COG4: variants seen among roughly 807,000 people sequenced by gnomAD.
The protein encoded by COG4 is component of oligomeric golgi complex 4, also known as conserved oligomeric Golgi complex subunit 4.
COG4 carries 65 observed loss-of-function variants against 95.1 expected under a neutral mutation model. The ratio of observed to expected loss-of-function variants is 0.68; its 90% confidence interval spans 0.56 to 0.84. The LOEUF (loss-of-function observed/expected upper bound fraction) is 0.84. Ranked by LOEUF, COG4 falls within the 40% of genes least tolerant of loss-of-function variation. The pLI, the probability that COG4 is intolerant of heterozygous loss-of-function variation, is 0.00. For missense variants in COG4, 1,045 were observed against 989.1 expected (o/e 1.06, Z -0.76); for synonymous variants, 421 against 374.8 (o/e 1.12, Z -1.42).
rs565946137 is a variant in COG4 at position 70,481,689 on chromosome 16, C to T, written c.2106+75G>A. ...GGCAGCAGACAGAGGGGATGCAAGT[C>T]CTGGGGGTGGTGGCATGACATGTCT... is the stretch of plus-strand genomic sequence containing the variant. On this transcript the variant is annotated intron_variant, in intron 17 of 18. Transcript: ENST00000323786. 62 of 1,417,470 alleles carry T rather than the reference C, an allele frequency of 4.4e-5. No homozygotes were observed. The African/African-American group carries it at 8.2e-4, about 19-fold the overall frequency. 87.8% of individuals were successfully genotyped at this position (1,417,470 alleles called of 1,614,324 possible).
intron 1 of COG4, among the ~76,000 whole-genome samples, chr16:70,521,780 C>A (rs1427053103): frequency 6.7e-6 from 1 of 150,360 alleles, no homozygotes; most frequent in Non-Finnish European, 1.5e-5. Flanking sequence ...CGGCTCACTG[C>A]AAGCTCCTTC....
intron 8 of COG4, among the ~76,000 whole-genome samples, chr16:70,505,055 T>C (rs1316575184): frequency 6.6e-6 from 1 of 152,222 alleles, no homozygotes; most frequent in Non-Finnish European, 1.5e-5. Context: ...TGCTATTATC[T>C]ACTTTATAGA....
At chr16:70,512,510 T>C (rs1277508480) in intron 4 of COG4, 78 bp from the exon 5 acceptor site, 1 of 1,193,294 alleles carries the variant, frequency 8.4e-7, no homozygotes, top group Non-Finnish European at 1.2e-6. Context: ...TGTAATACTA[T>C]TCATCCAGCA....
chr16:70,493,926 G>C (rs145266622), intron 12 of COG4, among the ~76,000 whole-genome samples: 2 of 152,140 alleles, frequency 1.3e-5, no homozygotes, highest in African/African-American at 2.4e-5. Context: ...GCCAGTCTTC[G>C]AGACATGAGT....
chr16:70,481,711 G>A (rs2048997771), intron 17 of COG4, 53 bp downstream of exon 17: 1 of 1,505,836 alleles, frequency 6.6e-7, no homozygotes, highest in Non-Finnish European at 9.2e-7. Context: ...GGCATGACAT[G>A]TCTTCCTCAG....
At chr16:70,498,225 T>C (rs1567380558) in intron 9 of COG4, among the ~76,000 whole-genome samples, 170 bp from the exon 10 acceptor site, 1 of 152,228 alleles carries the variant, frequency 6.6e-6, no homozygotes, top group African/African-American at 2.4e-5. Context: ...TAAAAAAGTA[T>C]ATCATAAATA....
At chr16:70,499,630 T>C (rs748063958) in intron 9 of COG4, among the ~76,000 whole-genome samples, 1 of 152,244 alleles carries the variant, frequency 6.6e-6, no homozygotes, top group Non-Finnish European at 1.5e-5. Flanking sequence ...AGTCAATCTG[T>C]AAATGAAATT....
chr16:70,513,933 C>T (rs1018158830), intron 4 of COG4, among the ~76,000 whole-genome samples: 3 of 152,142 alleles, frequency 2.0e-5, no homozygotes, highest in African/African-American at 7.2e-5. Context: ...CCTGGCTGGG[C>T]GCAGTAGCTT....
Position 70,514,381 on chromosome 16 carries a change from C to A in COG4, c.498G>T (p.Leu166Phe). ...GCTCAATGACCGACTTGTCCAGGCA[C>A]AAGTAGCGATGAGTATGTGCTGCAG... ...EQAAAHTHRY[L>F]CLDKSVIELS... Residue 166 changes from leucine to phenylalanine, a missense_variant, in exon 4 of 19, where the codon TTG (leucine) becomes TTT (phenylalanine). By Grantham distance (22) the Leu-to-Phe change is conservative. Coordinates refer to ENST00000323786, the MANE Select transcript of COG4 (RefSeq NM_015386.3). The A allele has an allele frequency of 1.2e-6, 2 of 1,614,138 alleles. No homozygotes were observed. The highest frequency in any genetic ancestry group is 8.5e-7 in the Non-Finnish European group (1 of 1,180,020).
intron 1 of COG4, chr16:70,523,080 G>A (rs182271029): frequency 2.2e-6 from 1 of 462,580 alleles, no homozygotes; most frequent in Non-Finnish European, 3.9e-6. Flanking sequence ...AATACTCTCA[G>A]ACTAACTTTA....
chr16:70,483,927 G>A lies in COG4; in HGVS notation c.1753C>T (p.Gln585Ter), dbSNP rs1018456666. The A allele has an allele frequency of 1.9e-6, 3 of 1,613,120 alleles. No individual in the cohort carries two copies. The African/African-American group carries it at 4.0e-5, about 22-fold the overall frequency. ...KLFSQGIGGE[Q>*]AQAKFDSCLS... is the part of the protein sequence containing the mutation. ...CAGCTGTCAAACTTGGCCTGGGCCT[G>A]CTCCCCTCCAATGCCCTGGCTGAAG... Residue 585 changes from glutamine to a stop codon, truncating the protein, a stop_gained, in exon 14 of 19, where the codon CAG (glutamine) becomes TAG (stop). Transcript: ENST00000323786. LOFTEE classifies it high-confidence loss of function.
intron 9 of COG4, among the ~76,000 whole-genome samples, chr16:70,498,332 TA>T (rs1597669260): frequency 1.3e-5 from 2 of 152,008 alleles, no homozygotes; most frequent in African/African-American, 4.8e-5. Context: ...TATTTTTAAC[TA>T]TTTTTTTTTT....
At chr16:70,502,945 A>G (rs982125188) in intron 8 of COG4, among the ~76,000 whole-genome samples, 1 of 152,238 alleles carries the variant, frequency 6.6e-6, no homozygotes, top group Non-Finnish European at 1.5e-5. Context: ...AAATTGTGCT[A>G]GGACAACTGA....
chr16:70,487,635 A>C (rs1401389215), intron 13 of COG4, among the ~76,000 whole-genome samples: 2 of 152,220 alleles, frequency 1.3e-5, no homozygotes, highest in Non-Finnish European at 2.9e-5. Flanking sequence ...ACGATGTGAC[A>C]GATACTATGT....
chr16:70,510,585 A>G (rs2049679914), intron 5 of COG4, among the ~76,000 whole-genome samples: 1 of 152,166 alleles, frequency 6.6e-6, no homozygotes, highest in Admixed American at 6.5e-5. Flanking sequence ...TCAGCATCCC[A>G]AAGTGTTGGA....
chr16:70,512,188 C>T, intron 5 of COG4, 51 bp downstream of exon 5: 1 of 1,558,114 alleles, frequency 6.4e-7, no homozygotes, highest in Non-Finnish European at 8.8e-7. Flanking sequence ...GTGCCCCAAT[C>T]TGCAGGCAGA....
Position 70,498,029 on chromosome 16 carries a change from G to A in COG4, c.1222C>T (p.Leu408Phe), listed in dbSNP as rs775306698. 6.2e-7 allele frequency: 1 copy of A among 1,613,540 alleles called. No homozygotes were observed. Among genetic ancestry groups the A allele is most frequent in the South Asian group, 1.1e-5 (1 of 91,084 alleles). The change falls in exon 10 of 19, where the codon CTC (leucine) becomes TTC (phenylalanine). Residue 408 changes from leucine (L) to phenylalanine (F), a missense_variant. Transcript: ENST00000323786. ...GTACAGCTCAAAAGGCAGTTATTGA[G>A]GAGTTTGTCCAGACACTTCTGGTGC... is the stretch of plus-strand genomic sequence containing the variant. ...QEHQKCLDKL[L>F]NNCLLSCTMQ...
chr16:70,510,131 C>T (rs571080098), intron 5 of COG4, 110 bp from the exon 6 acceptor site: 422 of 867,742 alleles, frequency 4.9e-4, no homozygotes, highest in Non-Finnish European at 7.3e-4. Flanking sequence ...TTCACATTTC[C>T]CTTGATGTCT....
intron 9 of COG4, among the ~76,000 whole-genome samples, chr16:70,498,640 ATGT>A (rs2049388992): frequency 1.3e-5 from 2 of 152,014 alleles, no homozygotes; most frequent in African/African-American, 4.8e-5. Flanking sequence ...TTTAACTTTC[ATGT>A]TGTTTCATGT....
Sources: gnomAD v4.1 joint callset for allele counts (sites outside exome capture counted in the v4.1 genomes callset) on GRCh38, gnomAD v4.1.1 for gene constraint, MANE v1.5 for transcripts, NCBI Gene and HGNC (gene_info 2026-07-23, HGNC 2026-07-21) for gene names.